TNNT1: variants seen among roughly 807,000 people sequenced by gnomAD.
TNNT1 encodes the protein troponin T, slow skeletal muscle.
A neutral mutation model predicts 50.6 loss-of-function variants in TNNT1; 53 were observed. The observed-to-expected ratio is 1.05, with a 90% confidence interval of 0.84 to 1.32. The LOEUF (loss-of-function observed/expected upper bound fraction) is 1.32. Among genes scored for constraint, TNNT1 ranks in the 40% most tolerant of loss-of-function variants. TNNT1 has a pLI of 0.00. For missense variants in TNNT1, 348 were observed against 381.7 expected (o/e 0.91, Z 0.74); for synonymous variants, 142 against 138.0 (o/e 1.03, Z -0.20).
intron 8 of TNNT1, 111 bp from the exon 9 acceptor site, chr19:55,141,071 G>C (rs1356096082): frequency 6.7e-7 from 1 of 1,494,168 alleles, no homozygotes; most frequent in South Asian, 1.1e-5. Context: ...GTGAATTCGC[G>C]AAAGCCTAAG....
At chr19:55,138,158 G>C (rs2085387778) in intron 9 of TNNT1, 84 bp from the exon 10 acceptor site, 4 of 1,607,798 alleles carry the variant, frequency 2.5e-6, no homozygotes, top group Admixed American at 1.7e-5. Context: ...TGGGGCACAG[G>C]GATCAGCAGA....
chr19:55,148,338 C>T (rs1396998244), intron 1 of TNNT1, among the ~76,000 whole-genome samples: 1 of 151,916 alleles, frequency 6.6e-6, no homozygotes, highest in East Asian at 1.9e-4. Flanking sequence ...CCTTCCCATA[C>T]ATCACGTAGG....
intron 1 of TNNT1, 29 bp from the exon 2 acceptor site, chr19:55,147,197 G>C: frequency 6.2e-7 from 1 of 1,610,062 alleles, no homozygotes; most frequent in Middle Eastern, 1.7e-4. Flanking sequence ...AGGCCCAGTG[G>C]GGTGGGGCCC....
chr19:55,134,376 T>C (rs1037724868), intron 11 of TNNT1, among the ~76,000 whole-genome samples, 172 bp from the exon 12 acceptor site: 1 of 151,990 alleles, frequency 6.6e-6, no homozygotes, highest in African/African-American at 2.4e-5. Flanking sequence ...AGCTCTCGCA[T>C]TTCCCAAGGG....
At chr19:55,146,630 T>TGGCCCCCCC in intron 4 of TNNT1, 51 bp downstream of exon 4, 1 of 1,025,170 alleles carries the variant, frequency 9.8e-7, no homozygotes, top group Non-Finnish European at 1.4e-6. Context: ...GGGCCCAGCG[T>TGGCCCCCCC]CCCCGCCCCC....
In TNNT1 at chr19:55,146,776, C is replaced by G; in HGVS notation, c.47-69G>C. 7 of 1,297,658 alleles carry G rather than the reference C, an allele frequency of 5.4e-6. No homozygotes were observed. In the South Asian group the frequency reaches 7.8e-5, roughly 15 times the overall value. The allele number at this position is 1,297,658 out of a possible 1,614,324, so 80.4% of individuals were successfully genotyped here. A position where few individuals can be genotyped will look rare whatever the true frequency, so the allele number is the denominator to read the frequency against. On this transcript the variant is annotated intron_variant, in intron 3 of 13. Transcript: ENST00000588981. ...AGGGATGGGGGCGGTGGCCAGAGAC[C>G]AGGGTTCCAGTCTCTGCTGGACGGG...
chr19:55,137,094 A>T lies in TNNT1; in HGVS notation c.611+9T>A. The T allele has an allele frequency of 8.3e-7, 1 of 1,203,534 alleles. No homozygotes were observed. Among genetic ancestry groups the T allele is most frequent in the Non-Finnish European group, 1.2e-6 (1 of 855,502 alleles). 74.6% of individuals were successfully genotyped at this position (1,203,534 alleles called of 1,614,324 possible). ...GGCCCCTACACCCCGAGCCCCCCAC[A>T]GCACCTACCGGAGCTGTTCCTCCCC... On this transcript the variant is annotated intron_variant, in intron 11 of 13. Coordinates refer to ENST00000588981, the MANE Select transcript of TNNT1 (RefSeq NM_003283.6).
chr19:55,142,413 G>A (rs1175959078), intron 6 of TNNT1, among the ~76,000 whole-genome samples: 3 of 151,984 alleles, frequency 2.0e-5, no homozygotes, highest in East Asian at 1.9e-4. Flanking sequence ...GAGCCACCGC[G>A]CCCGGCACTA....
intron 10 of TNNT1, 97 bp from the exon 11 acceptor site, chr19:55,137,309 A>G: frequency 3.6e-6 from 3 of 838,762 alleles, no homozygotes; most frequent in Admixed American, 1.9e-5. Flanking sequence ...GACCATTTCC[A>G]TGTTGGGACC....
intron 6 of TNNT1, 187 bp downstream of exon 6, chr19:55,145,357 G>A (rs2085528565): frequency 3.0e-6 from 2 of 657,780 alleles, no homozygotes; most frequent in South Asian, 1.8e-5. Flanking sequence ...AAGTGGAGGA[G>A]GAGGAGGGAG....
Position 55,132,950 on chromosome 19 carries a change from C to A in TNNT1, c.802G>T (p.Ala268Ser). The change falls in exon 14 of 14, where the codon GCA (alanine) becomes TCA (serine). Residue 268 changes from alanine to serine, a missense_variant. By Grantham distance (99) the Ala-to-Ser change is moderately conservative. Coordinates refer to ENST00000588981, the MANE Select transcript of TNNT1 (RefSeq NM_003283.6). ...CGGCCTCCAACGCGGCCCTTCCCTG[C>A]CCCCTTCCGGCTGTAGAAGAATGAG... The part of the protein sequence containing the change: ...ISHAQKFRKG[A>S]GKGRVGGRWK 1 of 1,602,700 alleles carries A rather than the reference C, an allele frequency of 6.2e-7. No homozygotes were observed. The highest frequency in any genetic ancestry group is 8.5e-7 in the Non-Finnish European group (1 of 1,175,850).
At chr19:55,142,334 G>A (rs1294949827) in intron 6 of TNNT1, among the ~76,000 whole-genome samples, 1 of 151,266 alleles carries the variant, frequency 6.6e-6, no homozygotes, top group Admixed American at 6.6e-5. Flanking sequence ...TGTTAGCCAG[G>A]ATGGTCTCGA....
At chr19:55,137,026 C>A in intron 11 of TNNT1, 77 bp downstream of exon 11, 2 of 937,574 alleles carry the variant, frequency 2.1e-6, no homozygotes, top group South Asian at 1.4e-5. Flanking sequence ...TCTGCCCACC[C>A]AGATCTGGGT....
chr19:55,144,615 T>G, intron 6 of TNNT1, among the ~76,000 whole-genome samples: 1 of 152,172 alleles, frequency 6.6e-6, no homozygotes, highest in Non-Finnish European at 1.5e-5. Flanking sequence ...TGAACTCCTA[T>G]CCTCAAGTGA....
rs201143291 is a variant in TNNT1 at position 55,133,875 on chromosome 19, G to C, written c.791+12C>G. On this transcript the variant is annotated intron_variant, in intron 13 of 13. Transcript: ENST00000588981. ...AGGGACAAGAGCAAGGGCTTGAGAC[G>C]GTCACACTCACAACTTCTGGGCGTG... The C allele has an allele frequency of 6.2e-7, 1 of 1,613,744 alleles. No homozygotes were observed. The highest frequency in any genetic ancestry group is 8.5e-7 in the Non-Finnish European group (1 of 1,179,996).
intron 1 of TNNT1, among the ~76,000 whole-genome samples, chr19:55,148,284 C>T (rs909584417): frequency 6.6e-6 from 1 of 152,022 alleles, no homozygotes; most frequent in African/African-American, 2.4e-5. Flanking sequence ...TCCCACTCGC[C>T]CCACCCCACT....
chr19:55,146,457 T>C lies in TNNT1; in HGVS notation c.83A>G (p.Glu28Gly). ...ACCTGGCTCTGCCACCGGCTCCGGC[T>C]CTTCGGGGGCTGGGGAGGGGAGGGA... ...AAEEEEEAPEEPEPVAEPEEE... is the reference protein window; with the variant it reads ...AAEEEEEAPEGPEPVAEPEEE... The change falls in exon 5 of 14, where the codon GAG becomes GGG. Residue 28 changes from glutamate to glycine, a missense_variant. Coordinates refer to ENST00000588981, the MANE Select transcript of TNNT1 (RefSeq NM_003283.6). 7.4e-7 allele frequency: 1 copy of C among 1,354,594 alleles called. No individual in the cohort carries two copies. 83.9% of individuals were successfully genotyped at this position (1,354,594 alleles called of 1,614,324 possible).
chr19:55,147,556 G>T (rs1367878106), intron 1 of TNNT1, among the ~76,000 whole-genome samples: 10 of 147,408 alleles, frequency 6.8e-5, no homozygotes, highest in Admixed American at 1.3e-4. Flanking sequence ...GGGAGGAGGG[G>T]CTGGGGGCCG....
chr19:55,138,866 C>T lies in TNNT1; in HGVS notation c.388-792G>A, dbSNP rs564489302. Among the ~76,000 whole-genome samples the T allele has an allele frequency of 9.4e-4, 143 of 152,234 alleles. 1 individual carries two copies. The highest frequency in any genetic ancestry group is 3.3e-3 in the African/African-American group (137 of 41,532). ...GAGGAAGGGGTTCTGGAATATTGAG[C>T]GAAGGCATTACGACATTCGAGAAAC... is the stretch of plus-strand genomic sequence containing the variant. On this transcript the variant is annotated intron_variant, in intron 9 of 13. Transcript: ENST00000588981.
Sources: allele counts gnomAD v4.1 joint callset (sites outside exome capture counted in the v4.1 genomes callset), GRCh38; gene constraint gnomAD v4.1.1; transcripts MANE v1.5; gene names NCBI Gene and HGNC (gene_info 2026-07-23, HGNC 2026-07-21).